The following PRKCA variants were observed in gnomAD, a reference collection of about 807,000 sequenced individuals.
PRKCA encodes protein kinase C alpha.
In PRKCA, 27 loss-of-function variants were observed where a neutral mutation model predicts 87.0. The ratio of observed to expected loss-of-function variants is 0.31; its 90% CI spans 0.23 to 0.43. The LOEUF (loss-of-function observed/expected upper bound fraction) is 0.43. Among genes scored for constraint, PRKCA ranks in the 20% least tolerant of loss-of-function variants. PRKCA has a pLI of 1.00. For missense variants in PRKCA, 518 were observed against 852.3 expected (o/e 0.61, Z 4.88); for synonymous variants, 329 against 311.1 (o/e 1.06, Z -0.61).
intron 8 of PRKCA, among the ~76,000 whole-genome samples, chr17:66,701,581 A>G (rs1973066394): frequency 6.6e-6 from 1 of 152,198 alleles, no homozygotes. Flanking sequence ...TCCAAAATGC[A>G]TAAGGAACTC....
intron 5 of PRKCA, among the ~76,000 whole-genome samples, chr17:66,667,450 A>T (rs1283730443): frequency 6.6e-6 from 1 of 152,246 alleles, no homozygotes; most frequent in East Asian, 1.9e-4. Flanking sequence ...AGCAAGGAGA[A>T]GTGCAGAGTA....
chr17:66,467,151 G>A (rs116484676), intron 2 of PRKCA, among the ~76,000 whole-genome samples: 1,999 of 152,216 alleles, frequency 0.013, 50 homozygotes, highest in African/African-American at 0.046. Context: ...TGCCTCATGC[G>A]CAGGAGGTGG....
In PRKCA at chr17:66,413,663, G is replaced by A. The variant is rs8081135; in HGVS notation, c.206-82538G>A. On this transcript the variant is annotated intron_variant, in intron 2 of 16. Transcript: ENST00000413366. ...TTGCAGCTCTGTGTCAGACACTCCG[G>A]TCTCTCAGGAAATTACAGAGCTCTT... Among the ~76,000 whole-genome samples the A allele has an allele frequency of 7.1e-3, 1,085 of 152,216 alleles. 19 individuals are homozygous for A. The highest frequency in any genetic ancestry group is 0.025 in the African/African-American group (1,044 of 41,524).
chr17:66,775,665 G>C (rs1338429458), intron 14 of PRKCA: 1 of 985,334 alleles, frequency 1.0e-6, no homozygotes, highest in Non-Finnish European at 1.2e-6. Context: ...CTGTGCGACA[G>C]AGCCACCCCC....
intron 2 of PRKCA, among the ~76,000 whole-genome samples, chr17:66,346,254 G>A (rs895913055): frequency 1.3e-5 from 2 of 151,738 alleles, no homozygotes; most frequent in Non-Finnish European, 2.9e-5. Flanking sequence ...GTGCCACCAC[G>A]CCTGGCTAAT....
At chr17:66,716,924 C>T (rs189015051) in intron 8 of PRKCA, among the ~76,000 whole-genome samples, 5 of 152,240 alleles carry the variant, frequency 3.3e-5, no homozygotes, top group East Asian at 3.9e-4. Context: ...GTTAAGAAAA[C>T]GATTGAATGT....
At chr17:66,424,171 C>G (rs1333366921) in intron 2 of PRKCA, among the ~76,000 whole-genome samples, 2 of 152,138 alleles carry the variant, frequency 1.3e-5, no homozygotes, top group East Asian at 1.9e-4. Context: ...GAATATCTTT[C>G]TGGAGAAAAG....
intron 13 of PRKCA, among the ~76,000 whole-genome samples, chr17:66,749,282 C>A (rs1005397052): frequency 1.3e-5 from 2 of 150,554 alleles, no homozygotes; most frequent in African/African-American, 4.9e-5. Context: ...CTGACCTCCT[C>A]CCCCTGCCCT....
intron 2 of PRKCA, among the ~76,000 whole-genome samples, chr17:66,442,107 G>A (rs964442288): frequency 6.6e-6 from 1 of 151,872 alleles, no homozygotes; most frequent in East Asian, 1.9e-4. Context: ...CTGTTGCCAG[G>A]TGTGAGTGCA....
intron 2 of PRKCA, among the ~76,000 whole-genome samples, chr17:66,373,811 C>T (rs1598622915): frequency 6.6e-6 from 1 of 152,150 alleles, no homozygotes; most frequent in Non-Finnish European, 1.5e-5. Flanking sequence ...ATTACCTCTG[C>T]GTTTGTAACA....
At chr17:66,616,349 C>G (rs1970516713) in intron 3 of PRKCA, among the ~76,000 whole-genome samples, 1 of 152,174 alleles carries the variant, frequency 6.6e-6, no homozygotes, top group Non-Finnish European at 1.5e-5. Context: ...TCTGGCTGTG[C>G]CATGACACCT....
intron 11 of PRKCA, among the ~76,000 whole-genome samples, chr17:66,740,728 T>C (rs943519547): frequency 3.9e-5 from 6 of 152,210 alleles, no homozygotes; most frequent in Non-Finnish European, 7.3e-5. Context: ...AAAGAGCAGA[T>C]AGCAGAGTCA....
intron 2 of PRKCA, among the ~76,000 whole-genome samples, chr17:66,306,597 G>T (rs1904829547): frequency 1.3e-5 from 2 of 152,232 alleles, no homozygotes; most frequent in African/African-American, 2.4e-5. Flanking sequence ...AACAAAGTTT[G>T]CATGTTTTAA....
At chr17:66,549,377 G>A (rs925126176) in intron 3 of PRKCA, among the ~76,000 whole-genome samples, 1 of 152,118 alleles carries the variant, frequency 6.6e-6, no homozygotes, top group African/African-American at 2.4e-5. Flanking sequence ...CAGGGTGGGT[G>A]GATACCAGCC....
intron 2 of PRKCA, among the ~76,000 whole-genome samples, chr17:66,347,491 C>T (rs894901407): frequency 6.6e-6 from 1 of 152,110 alleles, no homozygotes; most frequent in Non-Finnish European, 1.5e-5. Context: ...AGAATGAAAC[C>T]GTGTCTGTGT....
At chr17:66,314,210 A>G in intron 2 of PRKCA, among the ~76,000 whole-genome samples, 1 of 152,190 alleles carries the variant, frequency 6.6e-6, no homozygotes, top group Non-Finnish European at 1.5e-5. Flanking sequence ...TGCCATTATG[A>G]AACATTTCTT....
chr17:66,745,995 C>G (rs1974273121), intron 13 of PRKCA, among the ~76,000 whole-genome samples: 1 of 152,124 alleles, frequency 6.6e-6, no homozygotes, highest in African/African-American at 2.4e-5. Flanking sequence ...TCAGATGGCC[C>G]TTGCCCTCCA....
At chr17:66,363,805 C>T (rs1908538303) in intron 2 of PRKCA, among the ~76,000 whole-genome samples, 1 of 152,154 alleles carries the variant, frequency 6.6e-6, no homozygotes, top group Admixed American at 6.5e-5. Context: ...CGGGTTCAAA[C>T]GATTCTTCTG....
intron 3 of PRKCA, among the ~76,000 whole-genome samples, chr17:66,541,735 A>G (rs1967995949): frequency 6.6e-6 from 1 of 152,362 alleles, no homozygotes; most frequent in South Asian, 2.1e-4. Context: ...TAAAAATGAC[A>G]CAGCTTCAGA....
Sources: gnomAD v4.1 joint callset for allele counts (sites outside exome capture counted in the v4.1 genomes callset) on GRCh38, gnomAD v4.1.1 for gene constraint, MANE v1.5 for transcripts, NCBI Gene and HGNC (gene_info 2026-07-23, HGNC 2026-07-21) for gene names.